PRMT3: variants seen among roughly 807,000 people sequenced by gnomAD.
PRMT3 encodes protein arginine N-methyltransferase 3.
A neutral mutation model predicts 71.9 loss-of-function variants in PRMT3; 62 were observed. That is an observed-to-expected ratio of 0.86 (90% CI 0.70 to 1.07). The LOEUF (loss-of-function observed/expected upper bound fraction) is 1.07. PRMT3 is among the 50% of genes least tolerant of loss of function. The pLI is 0.00. For synonymous variants in PRMT3, 213 were observed against 220.4 expected (o/e 0.97, Z 0.30); for missense variants, 663 against 643.0 (o/e 1.03, Z -0.34).
intron 7 of PRMT3, among the ~76,000 whole-genome samples, chr11:20,398,649 T>G (rs1380337226): frequency 6.6e-6 from 1 of 152,190 alleles, no homozygotes; most frequent in East Asian, 1.9e-4. Context: ...GAGACGGGGT[T>G]TCACCGTAAT....
chr11:20,420,666 A>C (rs528727372), intron 9 of PRMT3, among the ~76,000 whole-genome samples: 4 of 152,208 alleles, frequency 2.6e-5, no homozygotes, highest in Non-Finnish European at 5.9e-5. Context: ...CCCCAGGTCC[A>C]TGGAAAGATT....
chr11:20,445,947 A>G (rs545131339), intron 10 of PRMT3, among the ~76,000 whole-genome samples: 8 of 152,284 alleles, frequency 5.3e-5, no homozygotes, highest in Middle Eastern at 3.4e-3. Context: ...AATGTACCAC[A>G]AGAAAACACA....
At chr11:20,485,005 C>T (rs1354019594) in intron 13 of PRMT3, among the ~76,000 whole-genome samples, 2 of 152,168 alleles carry the variant, frequency 1.3e-5, no homozygotes, top group Non-Finnish European at 2.9e-5. Context: ...TTGTGTAGCC[C>T]TTTTGATATT....
At chr11:20,437,408 A>G (rs1590063350) in intron 10 of PRMT3, among the ~76,000 whole-genome samples, 2 of 152,072 alleles carry the variant, frequency 1.3e-5, no homozygotes, top group East Asian at 1.9e-4. Context: ...TAGACTTCCT[A>G]GTGTTGCAAA....
chr11:20,426,465 CTG>C (rs1266961835), intron 9 of PRMT3, among the ~76,000 whole-genome samples: 2 of 152,156 alleles, frequency 1.3e-5, no homozygotes, highest in Non-Finnish European at 2.9e-5. Flanking sequence ...GTCTTCACCA[CTG>C]TGTTGTTTGT....
At chr11:20,480,694 C>A (rs1472207092) in intron 13 of PRMT3, among the ~76,000 whole-genome samples, 1 of 152,028 alleles carries the variant, frequency 6.6e-6, no homozygotes, top group African/African-American at 2.4e-5. Context: ...GCAGTTTTAG[C>A]GGACTTGTTC....
chr11:20,508,537 A>G lies in PRMT3; in HGVS notation c.*124A>G. 1.4e-6 allele frequency: 1 copy of G among 732,244 alleles called. No homozygotes were observed. The allele number at this position is 732,244 out of a possible 1,614,324, so 45.4% of individuals were successfully genotyped here. A position where few individuals can be genotyped will look rare whatever the true frequency, so the allele number is the denominator to read the frequency against. The stretch of plus-strand genomic sequence containing the variant: ...GGACCCTTTCCTAATGAGCCTCCTC[A>G]ATAAGAGAGAAGTTCTCATTGTGGG... On this transcript the variant is annotated 3_prime_UTR_variant, in exon 16 of 16. Coordinates refer to ENST00000331079, the MANE Select transcript of PRMT3 (RefSeq NM_005788.4).
At chr11:20,438,355 G>T (rs1341373701) in intron 10 of PRMT3, among the ~76,000 whole-genome samples, 1 of 151,860 alleles carries the variant, frequency 6.6e-6, no homozygotes, top group Non-Finnish European at 1.5e-5. Context: ...ACTCTGTGAG[G>T]CTGGGTGCAG....
At chr11:20,445,324 G>A (rs1270495313) in intron 10 of PRMT3, among the ~76,000 whole-genome samples, 1 of 152,038 alleles carries the variant, frequency 6.6e-6, no homozygotes, top group Non-Finnish European at 1.5e-5. Flanking sequence ...TGCAAGATAT[G>A]AAAGAGTTTA....
intron 10 of PRMT3, among the ~76,000 whole-genome samples, chr11:20,435,116 C>T (rs1346332399): frequency 6.6e-6 from 1 of 152,110 alleles, no homozygotes; most frequent in Non-Finnish European, 1.5e-5. Context: ...AAAATCTTTG[C>T]CCAGACTAAT....
chr11:20,408,681 A>T (rs1351242601), intron 9 of PRMT3, among the ~76,000 whole-genome samples: 4 of 152,352 alleles, frequency 2.6e-5, no homozygotes, highest in Admixed American at 2.6e-4. Context: ...TACGTGCTTA[A>T]CAAAAGCACC....
rs115193397 is a variant in PRMT3, at chr11:20,491,026, G to T, written c.1348-2893G>T. ...CACGTTAGATCTATAGGTCTCCAAGGTTCTATAACATGCATTTTAATTGCT... is the reference window on the plus strand; with the variant it reads ...CACGTTAGATCTATAGGTCTCCAAGTTTCTATAACATGCATTTTAATTGCT... On this transcript the variant is annotated intron_variant, in intron 13 of 15. Coordinates refer to ENST00000331079, the MANE Select transcript of PRMT3 (RefSeq NM_005788.4). Among the ~76,000 whole-genome samples, 1,070 of 151,998 alleles carry T rather than the reference G, an allele frequency of 7.0e-3. 16 individuals are homozygous for T. Among genetic ancestry groups the T allele is most frequent in the African/African-American group, 0.024 (1,015 of 41,484 alleles).
chr11:20,435,327 G>A (rs1416702441), intron 10 of PRMT3, among the ~76,000 whole-genome samples: 3 of 152,080 alleles, frequency 2.0e-5, no homozygotes, highest in African/African-American at 7.2e-5. Flanking sequence ...CCAGTATCCT[G>A]AGGAGCTGGG....
In PRMT3 at chr11:20,387,909, TGA is replaced by T. The variant is rs1848631065; in HGVS notation, c.29-108_29-107del. The T allele has an allele frequency of 6.4e-7, 1 of 1,566,316 alleles. No homozygotes were observed. Among genetic ancestry groups the T allele is most frequent in the Non-Finnish European group, 8.7e-7 (1 of 1,154,932 alleles). ...CAGGGATCATGAAGGAGGTGCTGAG[TGA>T]GGGCCGCGGGCGAACGGGGCGGAGG... is the stretch of plus-strand genomic sequence containing the variant. On this transcript the variant is annotated intron_variant, in intron 1 of 15. Coordinates refer to ENST00000331079, the MANE Select transcript of PRMT3 (RefSeq NM_005788.4). This position sits in a 1 kb window ranked among gnomAD's most constrained non-coding sequence, Gnocchi z 4.3.
At chr11:20,411,767 C>T (rs529579925) in intron 9 of PRMT3, among the ~76,000 whole-genome samples, 177 of 152,008 alleles carry the variant, frequency 1.2e-3, no homozygotes, top group African/African-American at 4.0e-3. Context: ...TAGGCTTTTG[C>T]AAAAAATAAT....
chr11:20,447,639 C>T (rs1850059875), intron 10 of PRMT3, among the ~76,000 whole-genome samples: 1 of 151,976 alleles, frequency 6.6e-6, no homozygotes, highest in Non-Finnish European at 1.5e-5. Context: ...CATAATCAAC[C>T]TGCATTTAAC....
chr11:20,504,751 A>AGAGAGC (rs1851550089), intron 15 of PRMT3, among the ~76,000 whole-genome samples: 2 of 149,252 alleles, frequency 1.3e-5, no homozygotes, highest in African/African-American at 4.9e-5. Flanking sequence ...AGAGAGCGAG[A>AGAGAGC]GCGACTGAGA....
intron 10 of PRMT3, among the ~76,000 whole-genome samples, chr11:20,445,591 C>T (rs943821202): frequency 1.3e-5 from 2 of 151,948 alleles, no homozygotes; most frequent in South Asian, 2.1e-4. Context: ...ACAGTAATAA[C>T]GAATAGTTAT....
chr11:20,391,762 C>T (rs79030000), intron 3 of PRMT3, among the ~76,000 whole-genome samples: 1 of 152,158 alleles, frequency 6.6e-6, no homozygotes, highest in Non-Finnish European at 1.5e-5. Flanking sequence ...AACCAGATAA[C>T]AAGCCTTATT....
Sources: allele counts gnomAD v4.1 joint callset (sites outside exome capture counted in the v4.1 genomes callset), GRCh38; gene constraint gnomAD v4.1.1; non-coding constraint Gnocchi (gnomAD v3.1); transcripts MANE v1.5; gene names NCBI Gene and HGNC (gene_info 2026-07-23, HGNC 2026-07-21).